Variants in SEMA6A observed in about 807,000 individuals in gnomAD.
The protein encoded by SEMA6A is semaphorin 6A.
SEMA6A carries 25 observed loss-of-function variants against 96.8 expected under a neutral mutation model. The observed-to-expected ratio is 0.26, with a 90% CI of 0.19 to 0.36. SEMA6A has a LOEUF of 0.36. Among genes scored for constraint, SEMA6A ranks in the 10% least tolerant of loss-of-function variants. SEMA6A has a pLI of 1.00. For missense variants in SEMA6A, 1,363 were observed against 1,323.1 expected (o/e 1.03, Z -0.47); for synonymous variants, 612 against 518.0 (o/e 1.18, Z -2.46).
intron 1 of SEMA6A, among the ~76,000 whole-genome samples, chr5:116,556,182 G>T (rs1760598180): frequency 6.6e-6 from 1 of 152,150 alleles, no homozygotes; most frequent in African/African-American, 2.4e-5. Flanking sequence ...TATCCAATAA[G>T]ATCTAATTTA....
intron 3 of SEMA6A, 73 bp from the exon 4 acceptor site, chr5:116,497,460 T>C: frequency 2.2e-6 from 2 of 918,650 alleles, no homozygotes; most frequent in South Asian, 1.5e-5. Context: ...TAATGAGTTA[T>C]GTCTTATCAG....
At chr5:116,488,242 T>C (rs1050190610) in intron 8 of SEMA6A, 46 bp from the exon 9 acceptor site, 2 of 1,266,086 alleles carry the variant, frequency 1.6e-6, no homozygotes, top group African/African-American at 2.9e-5. Flanking sequence ...CAAACAGAGT[T>C]AACAGAATTT....
rs185548630 is a variant in SEMA6A, at chr5:116,466,255, A to G, written c.1894+1328T>C. ...TAGCCGGGCATGGTGGCGGGCACCT[A>G]TAATCCCAGCTACTTGGGAAGCTGA... On this transcript the variant is annotated intron_variant, in intron 18 of 18. Transcript: ENST00000343348. Among the ~76,000 whole-genome samples, 21 of 151,502 alleles carry G rather than the reference A, an allele frequency of 1.4e-4. No homozygotes were observed. The East Asian group carries it at 3.9e-3, about 28-fold the overall frequency.
chr5:116,449,322 C>G (rs1327648476), intron 18 of SEMA6A: 2 of 702,276 alleles, frequency 2.8e-6, no homozygotes, highest in Admixed American at 2.0e-5. Flanking sequence ...GGTACCTTCT[C>G]TGGTCTCGGG....
At position 116,446,474 on chromosome 5, in the gene SEMA6A, A is replaced by T; in HGVS notation, c.*139T>A. 1.4e-6 allele frequency: 1 copy of T among 702,956 alleles called. No homozygotes were observed. Among genetic ancestry groups the T allele is most frequent in the Non-Finnish European group, 2.2e-6 (1 of 452,466 alleles). 43.5% of individuals were successfully genotyped at this position (702,956 alleles called of 1,614,324 possible). ...TTTCGTGAGTACCCCTGTGTCCCAG[A>T]GAGGAGGACCCAGCGTCCTCGGCTC... On this transcript the variant is annotated 3_prime_UTR_variant, in exon 19 of 19. Coordinates refer to ENST00000343348, the MANE Select transcript of SEMA6A (RefSeq NM_020796.5).
chr5:116,554,036 TAGG>T lies in SEMA6A; in HGVS notation c.-39+20146_-39+20148del, dbSNP rs554913202. Reference sequence around the variant, plus strand: ...AAAAGGAGACTTCAATAGGTAATGATAGGAGGAGGGCCACAGAGAGCCCTATAG... The same window carrying T: ...AAAAGGAGACTTCAATAGGTAATGATAGGAGGGCCACAGAGAGCCCTATAG... On this transcript the variant is annotated intron_variant, in intron 1 of 18. Transcript: ENST00000343348. Among the ~76,000 whole-genome samples, 218 of 152,180 alleles carry T rather than the reference TAGG, an allele frequency of 1.4e-3. 2 individuals are homozygous for T. The highest frequency in any genetic ancestry group is 4.9e-3 in the African/African-American group (202 of 41,514).
At chr5:116,489,586 A>G (rs569734897) in intron 7 of SEMA6A, among the ~76,000 whole-genome samples, 7 of 152,358 alleles carry the variant, frequency 4.6e-5, no homozygotes, top group African/African-American at 1.4e-4. Context: ...AAACCCTCGC[A>G]ATCTGGTTTC....
intron 18 of SEMA6A, among the ~76,000 whole-genome samples, chr5:116,467,098 A>G (rs558800338): frequency 3.3e-5 from 5 of 152,280 alleles, no homozygotes; most frequent in Admixed American, 1.3e-4. Flanking sequence ...ACATGGCTCT[A>G]TTCAAATTCA....
chr5:116,448,005 T>C (rs543663037), intron 18 of SEMA6A, among the ~76,000 whole-genome samples, 194 bp from the exon 19 acceptor site: 110 of 152,130 alleles, frequency 7.2e-4, no homozygotes, highest in South Asian at 1.7e-3. Context: ...AGTATGTAAA[T>C]GGACTCCATT....
chr5:116,573,908 C>T (rs1465978388), intron 1 of SEMA6A, among the ~76,000 whole-genome samples: 1 of 152,022 alleles, frequency 6.6e-6, no homozygotes, highest in Non-Finnish European at 1.5e-5. Context: ...TACGCGCCGT[C>T]GCGGCCCGGG....
chr5:116,557,711 G>C (rs1760661507), intron 1 of SEMA6A, among the ~76,000 whole-genome samples: 1 of 152,288 alleles, frequency 6.6e-6, no homozygotes, highest in Non-Finnish European at 1.5e-5. Context: ...GCCATCAAGA[G>C]CACTGGTGAT....
intron 7 of SEMA6A, among the ~76,000 whole-genome samples, chr5:116,490,025 A>C (rs1757257430): frequency 6.7e-6 from 1 of 149,132 alleles, no homozygotes; most frequent in African/African-American, 2.6e-5. Context: ...TTTTATATGT[A>C]GTGTAAACAT....
Position 116,486,828 on chromosome 5 carries a change from T to C in SEMA6A, c.883A>G (p.Ile295Val). The C allele has an allele frequency of 1.2e-6, 2 of 1,613,836 alleles. No individual in the cohort carries two copies. The highest frequency in any genetic ancestry group is 1.7e-6 in the Non-Finnish European group (2 of 1,179,814). ...ATCACATCTGTAACTGCCTGGAGAA[T>C]GTTGAAATAAAAATGAGAGTCTCCA... ...VPGDSHFYFNILQAVTDVIRI... is the reference protein window; with the variant it reads ...VPGDSHFYFNVLQAVTDVIRI... The change falls in exon 10 of 19, where the codon ATT becomes GTT. Residue 295 changes from isoleucine to valine, a missense_variant. Ile to Val is a conservative substitution (Grantham distance 29). Coordinates refer to ENST00000343348, the MANE Select transcript of SEMA6A (RefSeq NM_020796.5).
intron 1 of SEMA6A, among the ~76,000 whole-genome samples, chr5:116,548,834 G>A (rs1052727487): frequency 6.6e-6 from 1 of 152,188 alleles, no homozygotes; most frequent in Admixed American, 6.5e-5. Flanking sequence ...TAAACGCTAT[G>A]CTTAAATGAA....
intron 1 of SEMA6A, among the ~76,000 whole-genome samples, chr5:116,561,010 C>T (rs1177663609): frequency 5.3e-5 from 8 of 152,070 alleles, no homozygotes; most frequent in South Asian, 2.1e-4. Context: ...ATATTGAGTA[C>T]ACAACACAGC....
chr5:116,491,688 C>G (rs1415037146), intron 7 of SEMA6A, 52 bp downstream of exon 7: 2 of 1,355,432 alleles, frequency 1.5e-6, no homozygotes, highest in Admixed American at 3.4e-5. Context: ...TTCACAGTGA[C>G]AGGATGAAAC....
At chr5:116,502,812 A>G (rs1229622767) in intron 2 of SEMA6A, 1 of 156,524 alleles carries the variant, frequency 6.4e-6, no homozygotes, top group East Asian at 1.9e-4. Context: ...AGAAAAATAC[A>G]GTCTCCACAG....
intron 10 of SEMA6A, among the ~76,000 whole-genome samples, chr5:116,485,862 G>T (rs1327847450): frequency 1.3e-5 from 2 of 152,092 alleles, no homozygotes; most frequent in Non-Finnish European, 2.9e-5. Context: ...AACAATACGA[G>T]GACTCTGAAA....
intron 10 of SEMA6A, among the ~76,000 whole-genome samples, chr5:116,483,624 T>C (rs1756900844): frequency 6.6e-6 from 1 of 152,224 alleles, no homozygotes; most frequent in Admixed American, 6.5e-5. Flanking sequence ...AAGAAAATTA[T>C]TGAATAATAA....
Sources: allele counts gnomAD v4.1 joint callset (sites outside exome capture counted in the v4.1 genomes callset), GRCh38; gene constraint gnomAD v4.1.1; transcripts MANE v1.5; gene names NCBI Gene and HGNC (gene_info 2026-07-23, HGNC 2026-07-21).